MALAT1: variants seen among roughly 807,000 people sequenced by gnomAD.
The protein encoded by MALAT1 is hepcarcin.
intron 3 of MALAT1, chr11:65,504,614 A>G (rs768086860): frequency 1.9e-6 from 1 of 518,832 alleles, no homozygotes; most frequent in Non-Finnish European, 3.8e-6. Context: ...CTTTTTGTTC[A>G]TTTCTGGTGG....
At chr11:65,500,130 G>GT (rs763380026) in exon 3 of MALAT1, 1 of 493,714 alleles carries the variant, frequency 2.0e-6, no homozygotes, top group Non-Finnish European at 4.0e-6. Context: ...CTTGAAGCTA[G>GT]AAGGGGAAGT....
intron 3 of MALAT1, chr11:65,506,167 C>A: frequency 2.4e-6 from 1 of 416,130 alleles, no homozygotes; most frequent in Non-Finnish European, 4.6e-6. Context: ...CAAATCCCTG[C>A]GGCGTCTTTG....
At chr11:65,501,802 A>T (rs1171517452) in exon 3 of MALAT1, 1 of 518,620 alleles carries the variant, frequency 1.9e-6, no homozygotes, top group Non-Finnish European at 3.9e-6. Context: ...GTTGAAGTTA[A>T]GTTTTCCAAT....
At chr11:65,504,580 G>T (rs1241303931) in intron 3 of MALAT1, 1 of 518,930 alleles carries the variant, frequency 1.9e-6, no homozygotes, top group Admixed American at 1.9e-5. Flanking sequence ...AGTACATTTT[G>T]CTGGTGTATT....
At chr11:65,502,781 C>T in exon 3 of MALAT1, 1 of 515,208 alleles carries the variant, frequency 1.9e-6, no homozygotes, top group Non-Finnish European at 3.9e-6. Context: ...AAGCATAACC[C>T]TGAGATTCTT....
chr11:65,498,830 C>T (rs771955653), intron 2 of MALAT1: 1 of 518,816 alleles, frequency 1.9e-6, no homozygotes, highest in Non-Finnish European at 3.8e-6. Flanking sequence ...CAGCTCAAAT[C>T]TTTCCACACG....
intron 3 of MALAT1, chr11:65,504,913 A>G (rs1179655949): frequency 5.8e-6 from 3 of 518,802 alleles, no homozygotes; most frequent in African/African-American, 3.8e-5. Context: ...CAAACATTCC[A>G]TTTTAAATGT....
rs757611317 is a variant in MALAT1 at position 65,500,281 on chromosome 11, C to A, written n.1544C>A. 4 of 518,802 alleles carry A rather than the reference C, an allele frequency of 7.7e-6. No homozygotes were observed. In the Admixed American group the frequency reaches 7.8e-5, roughly 10 times the overall value. The allele number at this position is 518,802 out of a possible 1,614,324, so 32.1% of individuals were successfully genotyped here. On this transcript the variant is annotated non_coding_transcript_exon_variant, in exon 3 of 4. Coordinates refer to ENST00000619449, the Ensembl canonical transcript of MALAT1. ...TAGTTTGAAAAATGTGAAGGACTTT[C>A]GTAACGGAAGTAATTCAAGATCAAG... is the stretch of plus-strand genomic sequence containing the variant.
intron 2 of MALAT1, chr11:65,498,769 T>C (rs1255944045): frequency 1.9e-6 from 1 of 518,954 alleles, no homozygotes. Flanking sequence ...TGTGAGGTGT[T>C]TGATGACCCG....
At chr11:65,500,099 C>A (rs746153821) in exon 3 of MALAT1, 1 of 467,524 alleles carries the variant, frequency 2.1e-6, no homozygotes, top group South Asian at 1.5e-5. Flanking sequence ...TTACGTAGAC[C>A]AGAACCAATT....
chr11:65,498,790 G>A (rs1854464437), intron 2 of MALAT1: 1 of 518,742 alleles, frequency 1.9e-6, no homozygotes, highest in African/African-American at 1.9e-5. Context: ...TTTAAAATAT[G>A]ATTTCCATGT....
intron 3 of MALAT1, chr11:65,504,274 G>T (rs755809817): frequency 3.9e-6 from 2 of 517,472 alleles, no homozygotes; most frequent in South Asian, 2.8e-5. Context: ...AATTTGGAGG[G>T]ATGGGAGGAG....
At chr11:65,504,575 A>C (rs1463665979) in intron 3 of MALAT1, 1 of 518,812 alleles carries the variant, frequency 1.9e-6, no homozygotes, top group Non-Finnish European at 3.8e-6. Flanking sequence ...AGCTGAGTAC[A>C]TTTTGCTGGT....
chr11:65,498,929 A>G (rs1398773550), intron 2 of MALAT1: 3 of 518,788 alleles, frequency 5.8e-6, no homozygotes, highest in African/African-American at 5.8e-5. Flanking sequence ...ACTAGAACCT[A>G]TTTTTAACCG....
intron 1 of MALAT1, chr11:65,497,944 T>G (rs1420905240): frequency 1.9e-6 from 1 of 518,978 alleles, no homozygotes. Context: ...GCTGCTATCT[T>G]AGCTGTCCTT....
intron 3 of MALAT1, chr11:65,505,075 G>A (rs1251242018): frequency 1.9e-6 from 1 of 519,008 alleles, no homozygotes; most frequent in South Asian, 1.4e-5. Flanking sequence ...TGGGACAATA[G>A]TATTGAATAG....
exon 3 of MALAT1, chr11:65,501,878 C>G (rs664589): frequency 0.055 from 28,523 of 516,998 alleles, 1,247 homozygotes; most frequent in South Asian, 0.14. Flanking sequence ...TGGCAGTGGC[C>G]TGTTACGGTT....
chr11:65,499,284 A>G (rs777911649), exon 3 of MALAT1: 5 of 513,280 alleles, frequency 9.7e-6, no homozygotes, highest in Admixed American at 5.9e-5. Flanking sequence ...AAAAGATAAA[A>G]GGTTTCTAAA....
chr11:65,500,486 G>GGAGC (rs762072361), exon 3 of MALAT1: 2 of 518,864 alleles, frequency 3.9e-6, no homozygotes, highest in African/African-American at 3.8e-5. Flanking sequence ...CTAGGACTGA[G>GGAGC]GAGCAAGCGA....
Sources: allele counts gnomAD v4.1 joint callset, GRCh38; gene constraint gnomAD v4.1.1; transcripts MANE v1.5; gene names NCBI Gene and HGNC (gene_info 2026-07-23, HGNC 2026-07-21).